The following GALK2 variants were observed in gnomAD, a reference collection of about 807,000 sequenced individuals.
The protein encoded by GALK2 is N-acetylgalactosamine kinase.
GALK2 carries 36 observed loss-of-function variants against 52.4 expected under a neutral mutation model. That is an observed-to-expected ratio of 0.69 (90% CI 0.53 to 0.91). GALK2 has a LOEUF of 0.91. GALK2 is among the 40% of genes least tolerant of loss of function. The probability of loss-of-function intolerance (pLI) is 0.00; values close to 1 mark genes in which losing one functional copy is unlikely to be tolerated. For synonymous variants in GALK2, 176 were observed against 199.1 expected, an observed-to-expected ratio of 0.88 and a Z score of 0.98; for missense variants, 579 against 559.1, an observed-to-expected ratio of 1.04 and a Z score of -0.36.
At chr15:49,228,926 C>T (rs944046736) in intron 3 of GALK2, among the ~76,000 whole-genome samples, 2 of 151,416 alleles carry the variant, frequency 1.3e-5, no homozygotes, top group African/African-American at 4.9e-5. Flanking sequence ...AACTGCTGAC[C>T]TCAAGTGATC....
intron 5 of GALK2, among the ~76,000 whole-genome samples, chr15:49,247,164 T>G (rs1390560873): frequency 6.6e-6 from 1 of 151,546 alleles, no homozygotes; most frequent in Non-Finnish European, 1.5e-5. Flanking sequence ...AGCCCTAAGG[T>G]GAAAGAGAGT....
intron 9 of GALK2, among the ~76,000 whole-genome samples, chr15:49,323,802 T>C (rs558359894): frequency 6.6e-6 from 1 of 152,234 alleles, no homozygotes; most frequent in Admixed American, 6.5e-5. Context: ...AAAATCAGTT[T>C]AGAATCTAAA....
chr15:49,273,092 C>T (rs1290442408), intron 5 of GALK2, among the ~76,000 whole-genome samples: 1 of 152,168 alleles, frequency 6.6e-6, no homozygotes, highest in African/African-American at 2.4e-5. Context: ...GTACTGTTGT[C>T]CTTTTGTGAT....
chr15:49,348,191 T>C (rs951847560), intron 3 of GALK2, among the ~76,000 whole-genome samples: 4 of 152,212 alleles, frequency 2.6e-5, no homozygotes, highest in Non-Finnish European at 5.9e-5. Flanking sequence ...TTATGTCCTT[T>C]AACAGAGACA....
chr15:49,178,224 T>TATATATATATATATAA (rs2085648078), intron 1 of GALK2, among the ~76,000 whole-genome samples: 3 of 115,518 alleles, frequency 2.6e-5, no homozygotes, highest in Non-Finnish European at 5.3e-5. Flanking sequence ...TATATATATA[T>TATATATATATATATAA]ATAGAAATAA....
chr15:49,367,434 T>C (rs745667919), intron 3 of GALK2: 1 of 1,543,000 alleles, frequency 6.5e-7, no homozygotes, highest in Non-Finnish European at 8.7e-7. Context: ...AAAGCAAAGC[T>C]TTAAAAAGGA....
chr15:49,318,554 A>C (rs946245148), intron 8 of GALK2, among the ~76,000 whole-genome samples: 2 of 152,172 alleles, frequency 1.3e-5, no homozygotes, highest in African/African-American at 2.4e-5. Context: ...TTCAAAAATG[A>C]ATATAGCATA....
At chr15:49,196,021 T>A (rs879736614) in intron 1 of GALK2, among the ~76,000 whole-genome samples, 13 of 152,150 alleles carry the variant, frequency 8.5e-5, no homozygotes, top group Non-Finnish European at 1.3e-4. Flanking sequence ...GTTATTTTTT[T>A]ATTTTGTACA....
chr15:49,275,793 G>A (rs1364130086), intron 5 of GALK2, among the ~76,000 whole-genome samples: 1 of 152,106 alleles, frequency 6.6e-6, no homozygotes, highest in East Asian at 1.9e-4. Flanking sequence ...CCTTCTCAGT[G>A]CTAATCAGTT....
chr15:49,167,360 C>A (rs1056317239), upstream of GALK2, among the ~76,000 whole-genome samples: 10 of 151,950 alleles, frequency 6.6e-5, no homozygotes, highest in Non-Finnish European at 1.3e-4. Context: ...TAAATATTTT[C>A]TTTTCTTTTT....
chr15:49,277,172 T>A (rs1373004615), intron 5 of GALK2, among the ~76,000 whole-genome samples: 3,010 of 27,130 alleles, frequency 0.11, 345 homozygotes, highest in African/African-American at 0.28. Flanking sequence ...TTTTTTTTTT[T>A]TTTTTTTTTT....
In GALK2 at chr15:49,330,322, G is replaced by C. The variant is rs1050002819; in HGVS notation, c.*2163G>C. 1 of 152,184 alleles carries C rather than the reference G, an allele frequency of 6.6e-6. No individual in the cohort carries two copies. The highest frequency in any genetic ancestry group is 2.4e-5 in the African/African-American group (1 of 41,448). The allele number at this position is 152,184 out of a possible 1,614,324, so 9.4% of individuals were successfully genotyped here. A position where few individuals can be genotyped will look rare whatever the true frequency, so the allele number is the denominator to read the frequency against. On this transcript the variant is annotated 3_prime_UTR_variant, in exon 10 of 10. Transcript: ENST00000560031. ...AATCCAGGCAGCATTTAGATCAGGG[G>C]TTATAGCCCAGCAGCCCATGGGCCA...
chr15:49,312,012 G>T (rs999175711), intron 8 of GALK2, among the ~76,000 whole-genome samples: 1 of 152,134 alleles, frequency 6.6e-6, no homozygotes, highest in Non-Finnish European at 1.5e-5. Context: ...TTATTGGCTT[G>T]CTTTCTTTCC....
rs879593491 is a variant in GALK2 at position 49,260,594 on chromosome 15, G to T, written c.504+21227G>T. ...AATTAGATCCCATTTGTCAATTTTG[G>T]CTTTTGTTGCCATTGCTTTTGGTGT... On this transcript the variant is annotated intron_variant, in intron 5 of 9. Coordinates refer to ENST00000560031, the MANE Select transcript of GALK2 (RefSeq NM_002044.4). Among the ~76,000 whole-genome samples the T allele has an allele frequency of 4.2e-3, 616 of 146,260 alleles. 6 individuals are homozygous for T. Among genetic ancestry groups the T allele is most frequent in the Admixed American group, 6.4e-3 (93 of 14,634 alleles).
At chr15:49,220,178 C>G (rs897167925) in intron 3 of GALK2, among the ~76,000 whole-genome samples, 1 of 150,728 alleles carries the variant, frequency 6.6e-6, no homozygotes. Context: ...ACTATAGTCC[C>G]CCTACTCTGC....
intron 3 of GALK2, among the ~76,000 whole-genome samples, chr15:49,222,977 G>A (rs760813224): frequency 4.6e-5 from 7 of 152,178 alleles, no homozygotes; most frequent in Non-Finnish European, 8.8e-5. Flanking sequence ...TTCTTTGTAA[G>A]TTTGGTAGAA....
chr15:49,229,344 C>A (rs1249555245), intron 3 of GALK2, among the ~76,000 whole-genome samples: 5 of 152,108 alleles, frequency 3.3e-5, no homozygotes, highest in African/African-American at 1.2e-4. Context: ...GGTCCTTGGA[C>A]CCCTGGGTAG....
At chr15:49,303,216 G>A (rs977018640) in intron 8 of GALK2, among the ~76,000 whole-genome samples, 1 of 152,174 alleles carries the variant, frequency 6.6e-6, no homozygotes, top group African/African-American at 2.4e-5. Context: ...TCTTTCAGAT[G>A]TGTGCGTGAT....
At chr15:49,276,293 G>A (rs1206833808) in intron 5 of GALK2, among the ~76,000 whole-genome samples, 1 of 145,118 alleles carries the variant, frequency 6.9e-6, no homozygotes, top group East Asian at 2.2e-4. Context: ...GATCTAGCTT[G>A]AGGGTTTTCA....
Sources: allele counts gnomAD v4.1 joint callset (sites outside exome capture counted in the v4.1 genomes callset), GRCh38; gene constraint gnomAD v4.1.1; transcripts MANE v1.5; gene names NCBI Gene and HGNC (gene_info 2026-07-23, HGNC 2026-07-21).